The following HIVEP3 variants were observed in gnomAD, a reference collection of about 807,000 sequenced individuals.
HIVEP3 encodes HIVEP zinc finger 3.
HIVEP3 carries 49 observed loss-of-function variants against 152.8 expected under a neutral mutation model. That is an observed-to-expected ratio of 0.32 (90% CI 0.26 to 0.41). HIVEP3 has a LOEUF of 0.41. HIVEP3 is among the 10% of genes least tolerant of loss of function. HIVEP3 has a pLI of 1.00. For missense variants in HIVEP3, 2,790 were observed against 3,103.3 expected (o/e 0.90, Z 2.40); for synonymous variants, 1,269 against 1,289.0 (o/e 0.98, Z 0.33).
At chr1:41,996,397 A>C (rs1324391411) in intron 1 of HIVEP3, among the ~76,000 whole-genome samples, 1 of 151,576 alleles carries the variant, frequency 6.6e-6, no homozygotes, top group Non-Finnish European at 1.5e-5. Flanking sequence ...CTCAAAAAAA[A>C]AAAAAGAGAG....
intron 5 of HIVEP3, among the ~76,000 whole-genome samples, chr1:41,565,599 T>C (rs1439246663): frequency 1.3e-5 from 2 of 151,954 alleles, no homozygotes; most frequent in East Asian, 3.9e-4. Context: ...CTCTGTTCTC[T>C]AAGAAGCTGC....
At chr1:41,831,436 G>A (rs896155101) in intron 1 of HIVEP3, among the ~76,000 whole-genome samples, 2 of 152,178 alleles carry the variant, frequency 1.3e-5, no homozygotes, top group African/African-American at 4.8e-5. Flanking sequence ...GCTTGGAATT[G>A]TTCTGTCTAT....
At chr1:41,863,115 G>A (rs1643908793) in intron 1 of HIVEP3, among the ~76,000 whole-genome samples, 1 of 152,184 alleles carries the variant, frequency 6.6e-6, no homozygotes, top group African/African-American at 2.4e-5. Context: ...TGTCACATAC[G>A]TTCCCAGACG....
chr1:41,652,448 TGAG>T (rs1219004436), intron 2 of HIVEP3, among the ~76,000 whole-genome samples: 2 of 149,472 alleles, frequency 1.3e-5, no homozygotes, highest in Admixed American at 6.7e-5. Flanking sequence ...CCTGGAGGAG[TGAG>T]GAGAAGGATT....
intron 5 of HIVEP3, among the ~76,000 whole-genome samples, chr1:41,553,419 A>T (rs569003056): frequency 6.6e-6 from 1 of 152,170 alleles, no homozygotes; most frequent in Non-Finnish European, 1.5e-5. Flanking sequence ...GGTCTCCTGA[A>T]TACAGCACAC....
intron 1 of HIVEP3, among the ~76,000 whole-genome samples, chr1:42,012,517 C>T (rs1645498936): frequency 6.6e-6 from 1 of 152,086 alleles, no homozygotes; most frequent in Non-Finnish European, 1.5e-5. Flanking sequence ...GTGGTGAAAC[C>T]TCATTTCTAC....
Position 41,513,110 on chromosome 1 carries a change from G to T in HIVEP3, c.6111C>A (p.Thr2037=). 6.2e-7 allele frequency: 1 copy of T among 1,613,898 alleles called. No homozygotes were observed. Among genetic ancestry groups the T allele is most frequent in the Non-Finnish European group, 8.5e-7 (1 of 1,180,042 alleles). Residue 2037 remains threonine (T), a synonymous_variant, in exon 8 of 9, where the codon ACC becomes ACA. Coordinates refer to ENST00000372583, the MANE Select transcript of HIVEP3 (RefSeq NM_024503.5). ...CCAGTTCTCTTCCCAGGGGGCAGAG[G>T]GTGAGAGGAGACAGCTGAAGTCTTG... is the stretch of plus-strand genomic sequence containing the variant. The part of the protein sequence containing the change: ...GSPRLQLSPL[T]LCPLGRELAP...
chr1:41,621,557 C>T (rs1645047691), intron 3 of HIVEP3, among the ~76,000 whole-genome samples: 2 of 152,372 alleles, frequency 1.3e-5, no homozygotes, highest in South Asian at 4.1e-4. Flanking sequence ...CTGTGTCCCT[C>T]AGGCTGCAGT....
chr1:41,797,789 C>A (rs1650067715), intron 1 of HIVEP3, among the ~76,000 whole-genome samples: 1 of 152,100 alleles, frequency 6.6e-6, no homozygotes, highest in African/African-American at 2.4e-5. Context: ...GAGATCAAGA[C>A]CATCCTGGCC....
In HIVEP3 at chr1:41,912,799, T is replaced by A. The variant is rs188239472; in HGVS notation, c.-801+5614A>T. 1.1e-3 allele frequency among the ~76,000 whole-genome samples: 168 copies of A among 152,330 alleles called. 1 individual carries two copies. In the East Asian group the frequency reaches 0.029, roughly 26 times the overall value. ...TCCCCTCATCAAGATTTGCTGACAG[T>A]CAGGGGAAGTTTCTAACACTGTATT... is the stretch of plus-strand genomic sequence containing the variant. On this transcript the variant is annotated intron_variant, in intron 1 of 8. Transcript: ENST00000372583.
chr1:41,801,071 T>C (rs1392307204), intron 1 of HIVEP3, among the ~76,000 whole-genome samples: 2 of 152,040 alleles, frequency 1.3e-5, no homozygotes, highest in Non-Finnish European at 2.9e-5. Flanking sequence ...TAAAAGCAGG[T>C]ACGATGAAGG....
chr1:42,003,979 T>C (rs921442118), intron 1 of HIVEP3, among the ~76,000 whole-genome samples: 2 of 152,084 alleles, frequency 1.3e-5, no homozygotes, highest in Non-Finnish European at 2.9e-5. Context: ...TCAGGTTAGG[T>C]ACTAAATCCG....
chr1:41,696,319 G>A (rs1415813657), intron 2 of HIVEP3, among the ~76,000 whole-genome samples: 1 of 152,246 alleles, frequency 6.6e-6, no homozygotes, highest in Non-Finnish European at 1.5e-5. Flanking sequence ...CCCACGGGGC[G>A]CAGCCTGCTG....
At position 41,510,462 on chromosome 1, in the gene HIVEP3, GGGGAACCC is replaced by G; in HGVS notation, c.7202_7209del (p.Arg2401ThrfsTer106). On this transcript the variant is annotated frameshift_variant, in exon 9 of 9. Coordinates refer to ENST00000372583, the MANE Select transcript of HIVEP3 (RefSeq NM_024503.5). LOFTEE classifies it high-confidence loss of function. ...CAGTTGGAGAGAGGCTAAGCGTTGG[GGGGAACCC>G]TGTCCTCAGGCTGATGTGGATGTGC... is the stretch of plus-strand genomic sequence containing the variant. 1.3e-6 allele frequency: 2 copies of G among 1,503,482 alleles called. No individual in the cohort carries two copies. Among genetic ancestry groups the G allele is most frequent in the Non-Finnish European group, 1.8e-6 (2 of 1,123,942 alleles). 93.1% of individuals were successfully genotyped at this position (1,503,482 alleles called of 1,614,324 possible).
intron 1 of HIVEP3, among the ~76,000 whole-genome samples, chr1:42,011,122 A>G (rs1048125791): frequency 6.6e-6 from 1 of 152,018 alleles, no homozygotes; most frequent in African/African-American, 2.4e-5. Context: ...TTTTTTCTAG[A>G]TGCCTTTAGC....
intron 2 of HIVEP3, among the ~76,000 whole-genome samples, chr1:41,634,272 G>C (rs997525724): frequency 6.6e-6 from 1 of 152,190 alleles, no homozygotes; most frequent in Non-Finnish European, 1.5e-5. Context: ...AACAAATGTT[G>C]ATAATCATGA....
chr1:41,915,213 C>T (rs1313122275), intron 1 of HIVEP3, among the ~76,000 whole-genome samples: 1 of 152,070 alleles, frequency 6.6e-6, no homozygotes, highest in Non-Finnish European at 1.5e-5. Flanking sequence ...ATTTTAACTT[C>T]TATGGATACA....
At chr1:41,851,425 C>T (rs983690762) in intron 1 of HIVEP3, among the ~76,000 whole-genome samples, 4 of 150,328 alleles carry the variant, frequency 2.7e-5, no homozygotes, top group Non-Finnish European at 5.9e-5. Flanking sequence ...GCCTCAGACT[C>T]CCAAGTAGCT....
intron 1 of HIVEP3, among the ~76,000 whole-genome samples, chr1:41,947,112 C>G (rs1645079299): frequency 1.3e-5 from 2 of 152,184 alleles, no homozygotes; most frequent in Non-Finnish European, 2.9e-5. Flanking sequence ...AACATCTCAA[C>G]TCACCTGGAT....
Sources: gnomAD v4.1 joint callset for allele counts (sites outside exome capture counted in the v4.1 genomes callset) on GRCh38, gnomAD v4.1.1 for gene constraint, MANE v1.5 for transcripts, NCBI Gene and HGNC (gene_info 2026-07-23, HGNC 2026-07-21) for gene names.